PCDHA3: variants seen among roughly 807,000 people sequenced by gnomAD.
The protein encoded by PCDHA3 is protocadherin alpha 3.
Under a neutral mutation model 62.2 loss-of-function variants are expected in PCDHA3, and 41 were observed. The observed-to-expected ratio is 0.66, with a 90% CI of 0.51 to 0.86. The LOEUF (loss-of-function observed/expected upper bound fraction) is 0.86. Among genes scored for constraint, PCDHA3 ranks in the 40% least tolerant of loss-of-function variants. The probability of loss-of-function intolerance (pLI) is 0.00; values close to 1 mark genes in which losing one functional copy is unlikely to be tolerated. For synonymous variants in PCDHA3, 640 were observed against 555.4 expected (o/e 1.15, Z -2.14); for missense variants, 1,304 against 1,241.2 (o/e 1.05, Z -0.76).
intron 1 of PCDHA3, among the ~76,000 whole-genome samples, chr5:140,925,576 A>G (rs1157907719): frequency 2.0e-5 from 3 of 151,872 alleles, no homozygotes; most frequent in African/African-American, 7.3e-5. Flanking sequence ...CAGCACACCA[A>G]CATGGCGCAT....
chr5:140,981,101 G>A (rs1484209084), intron 2 of PCDHA3, among the ~76,000 whole-genome samples: 1 of 152,196 alleles, frequency 6.6e-6, no homozygotes, highest in Non-Finnish European at 1.5e-5. Flanking sequence ...TTTAATGAGT[G>A]AATTTCTACT....
chr5:140,869,809 A>G, intron 1 of PCDHA3: 15 of 1,612,564 alleles, frequency 9.3e-6, no homozygotes, highest in Non-Finnish European at 1.3e-5. Flanking sequence ...CTTGGATGTC[A>G]ACGACAATGA....
chr5:140,809,609 T>C, intron 1 of PCDHA3: 1 of 1,521,434 alleles, frequency 6.6e-7, no homozygotes, highest in Non-Finnish European at 8.8e-7. Flanking sequence ...ATTTTCGTAT[T>C]GTTTTTCTCT....
At chr5:140,823,589 GGCTTTCGTATGA>G (rs1456644186) in intron 1 of PCDHA3, 1 of 1,613,884 alleles carries the variant, frequency 6.2e-7, no homozygotes, top group Non-Finnish European at 8.5e-7. Flanking sequence ...TACAACGCTT[GGCTTTCGTATGA>G]GCTGCAGCCA....
chr5:140,979,303 C>T (rs1048294748), intron 2 of PCDHA3, among the ~76,000 whole-genome samples: 5 of 152,148 alleles, frequency 3.3e-5, no homozygotes, highest in East Asian at 3.8e-4. Context: ...CTCCTTCATC[C>T]CTCTCTACCT....
At position 140,951,793 on chromosome 5, in the gene PCDHA3, C is replaced by T. The variant is rs536005204; in HGVS notation, c.2395-27156C>T. 5.3e-5 allele frequency among the ~76,000 whole-genome samples: 8 copies of T among 152,244 alleles called. No homozygotes were observed. The South Asian group carries it at 1.7e-3, about 32-fold the overall frequency. On this transcript the variant is annotated intron_variant, in intron 1 of 3. Coordinates refer to ENST00000522353, the MANE Select transcript of PCDHA3 (RefSeq NM_018906.3). ...TTCTTACATTGCAAAATACAATTAT[C>T]CCTTCCCAATGGTCCCTCAAAGTCT...
chr5:140,815,780 C>T (rs1220989871), intron 1 of PCDHA3: 2 of 152,174 alleles, frequency 1.3e-5, no homozygotes, highest in African/African-American at 4.8e-5. Context: ...ATTGTGATCA[C>T]CTTCAGCTTT....
chr5:140,830,816 C>T (rs2150189865), intron 1 of PCDHA3: 1 of 156,806 alleles, frequency 6.4e-6, no homozygotes, highest in South Asian at 2.0e-4. Context: ...ATTTGTTTGC[C>T]TTTGAGCTTT....
At chr5:141,007,395 CAAAAAAAA>C (rs35800918) in intron 3 of PCDHA3, among the ~76,000 whole-genome samples, 98 of 94,844 alleles carry the variant, frequency 1.0e-3, no homozygotes, top group African/African-American at 2.9e-3. Context: ...TACTAAAATA[CAAAAAAAA>C]AAAAAAAAAA....
At chr5:140,843,243 A>T in intron 1 of PCDHA3, 1 of 1,595,128 alleles carries the variant, frequency 6.3e-7, no homozygotes, top group Non-Finnish European at 8.6e-7. Flanking sequence ...GACGAAGCGG[A>T]CTCTCCGCGC....
chr5:140,892,012 G>A (rs1032416226), intron 1 of PCDHA3, among the ~76,000 whole-genome samples: 9 of 152,176 alleles, frequency 5.9e-5, no homozygotes, highest in Admixed American at 5.9e-4. Context: ...TGTTATAGCA[G>A]CACAAATGGT....
chr5:140,942,391 G>A (rs901640537), intron 1 of PCDHA3, among the ~76,000 whole-genome samples: 1 of 151,546 alleles, frequency 6.6e-6, no homozygotes, highest in Non-Finnish European at 1.5e-5. Context: ...CAGCCTGGGC[G>A]ACAGATGAGA....
chr5:140,857,971 G>C (rs1554150955), intron 1 of PCDHA3: 3 of 1,596,810 alleles, frequency 1.9e-6, no homozygotes, highest in Non-Finnish European at 2.6e-6. Flanking sequence ...AGACTGACTC[G>C]CCACGCCAGC....
chr5:140,863,121 G>A, intron 1 of PCDHA3: 2 of 592,122 alleles, frequency 3.4e-6, no homozygotes, highest in South Asian at 2.7e-5. Context: ...CGAAAGCTAC[G>A]CGCCACCGCC....
chr5:140,838,120 G>T (rs1045969296), intron 1 of PCDHA3, among the ~76,000 whole-genome samples: 1 of 146,176 alleles, frequency 6.8e-6, no homozygotes, highest in Non-Finnish European at 1.5e-5. Flanking sequence ...GTGTGTGTGT[G>T]TGTGTGTGTG....
In PCDHA3 at chr5:140,855,835, T is replaced by C. The variant is rs1165073969; in HGVS notation, c.2394+52244T>C. On this transcript the variant is annotated intron_variant, in intron 1 of 3. Transcript: ENST00000522353. ...AGTTGTGAACTCATGGAATCGTACT[T>C]ACACCTAAAGCCACCGGATGTCGCT... The C allele has an allele frequency of 6.7e-5, 40 of 599,476 alleles. 4 individuals carry two copies. The highest frequency in any genetic ancestry group is 1.1e-4 in the Non-Finnish European group (39 of 347,470). 37.1% of individuals were successfully genotyped at this position (599,476 alleles called of 1,614,324 possible). A position where few individuals can be genotyped will look rare whatever the true frequency, so the allele number is the denominator to read the frequency against.
At chr5:140,807,760 T>C (rs782195292) in intron 1 of PCDHA3, 3 of 1,614,028 alleles carry the variant, frequency 1.9e-6, no homozygotes, top group Non-Finnish European at 2.5e-6. Context: ...TGGTAAAAGG[T>C]CTTGGGCTTA....
chr5:140,861,341 A>C (rs1554154533), intron 1 of PCDHA3: 1 of 280,406 alleles, frequency 3.6e-6, no homozygotes, highest in African/African-American at 2.2e-5. Context: ...GGAAGAGGCC[A>C]AGGACGGCAC....
At chr5:141,007,712 A>G (rs2098342161) in intron 3 of PCDHA3, among the ~76,000 whole-genome samples, 1 of 152,170 alleles carries the variant, frequency 6.6e-6, no homozygotes, top group Non-Finnish European at 1.5e-5. Context: ...GCCTCCCACC[A>G]CCAGGGAGAA....
Sources: gnomAD v4.1 joint callset for allele counts (sites outside exome capture counted in the v4.1 genomes callset) on GRCh38, gnomAD v4.1.1 for gene constraint, MANE v1.5 for transcripts, NCBI Gene and HGNC (gene_info 2026-07-23, HGNC 2026-07-21) for gene names.